Variants in RNGTT observed in about 807,000 individuals in gnomAD.
The protein encoded by RNGTT is RNA guanylyltransferase and 5'-phosphatase, also known as mRNA-capping enzyme.
Under a neutral mutation model 79.3 loss-of-function variants are expected in RNGTT, and 33 were observed. The observed-to-expected ratio is 0.42, with a 90% CI of 0.32 to 0.56. The LOEUF is 0.56. Ranked by LOEUF, RNGTT falls within the 20% of genes least tolerant of loss-of-function variation. The pLI, the probability that RNGTT is intolerant of heterozygous loss-of-function variation, is 0.17. For missense variants in RNGTT, 497 were observed against 739.1 expected (o/e 0.67, Z 3.80); for synonymous variants, 222 against 235.9 (o/e 0.94, Z 0.54).
At chr6:88,716,967 T>A (rs1369970283) in intron 13 of RNGTT, among the ~76,000 whole-genome samples, 1 of 152,092 alleles carries the variant, frequency 6.6e-6, no homozygotes, top group Non-Finnish European at 1.5e-5. Context: ...TAAAGTATAA[T>A]TAAAAAAAAT....
chr6:88,911,816 G>A (rs1422327377), intron 4 of RNGTT, among the ~76,000 whole-genome samples: 1 of 152,150 alleles, frequency 6.6e-6, no homozygotes, highest in African/African-American at 2.4e-5. Context: ...AATGGCTGGA[G>A]GCAGTGGCTC....
intron 2 of RNGTT, among the ~76,000 whole-genome samples, chr6:88,931,480 C>T (rs991237705): frequency 2.0e-5 from 3 of 152,050 alleles, no homozygotes; most frequent in Non-Finnish European, 2.9e-5. Context: ...TGATACCAAC[C>T]TTTTTTTGTG....
chr6:88,871,648 T>C (rs1334397836), intron 8 of RNGTT, among the ~76,000 whole-genome samples: 5 of 152,184 alleles, frequency 3.3e-5, no homozygotes, highest in African/African-American at 1.2e-4. Context: ...CAGGCAGCTG[T>C]GAGAACCCAC....
chr6:88,818,113 C>G (rs1780384265), intron 11 of RNGTT, among the ~76,000 whole-genome samples: 1 of 152,054 alleles, frequency 6.6e-6, no homozygotes, highest in African/African-American at 2.4e-5. Context: ...GAGTCAACAT[C>G]TAACAGTTTA....
intron 13 of RNGTT, among the ~76,000 whole-genome samples, chr6:88,734,720 G>A (rs1460016339): frequency 6.6e-6 from 1 of 152,070 alleles, no homozygotes; most frequent in Non-Finnish European, 1.5e-5. Context: ...CAACACTATG[G>A]TGACGTACAA....
At chr6:88,834,580 T>G (rs557006781) in intron 11 of RNGTT, among the ~76,000 whole-genome samples, 2 of 152,200 alleles carry the variant, frequency 1.3e-5, no homozygotes, top group African/African-American at 4.8e-5. Context: ...GTGTGAACAA[T>G]AGATCTTCAT....
chr6:88,749,950 C>T (rs574473734), intron 13 of RNGTT, among the ~76,000 whole-genome samples: 11 of 152,230 alleles, frequency 7.2e-5, no homozygotes, highest in Admixed American at 6.5e-4. Context: ...TCTTGACGTG[C>T]AGCTATAGCA....
chr6:88,939,371 T>C (rs933664242), intron 2 of RNGTT, among the ~76,000 whole-genome samples: 2 of 152,182 alleles, frequency 1.3e-5, no homozygotes, highest in Non-Finnish European at 2.9e-5. Context: ...GATTCTTTCT[T>C]CTGCCTGATC....
chr6:88,694,233 T>A (rs928419800), intron 13 of RNGTT, among the ~76,000 whole-genome samples: 24 of 152,086 alleles, frequency 1.6e-4, no homozygotes, highest in African/African-American at 5.8e-4. Context: ...CAAAAACCTA[T>A]TAGAACTAAT....
At chr6:88,658,114 C>T (rs58889523) in intron 14 of RNGTT, among the ~76,000 whole-genome samples, 3,243 of 152,206 alleles carry the variant, frequency 0.021, 99 homozygotes, top group African/African-American at 0.074. Context: ...CTCTTGAAAG[C>T]GCCACCTCCT....
intron 11 of RNGTT, among the ~76,000 whole-genome samples, chr6:88,827,044 G>A (rs1317042384): frequency 6.6e-6 from 1 of 151,836 alleles, no homozygotes; most frequent in East Asian, 1.9e-4. Context: ...TGCCAAAGTA[G>A]TGGCTCACAT....
intron 13 of RNGTT, among the ~76,000 whole-genome samples, chr6:88,750,263 G>C (rs1777797478): frequency 6.6e-6 from 1 of 152,096 alleles, no homozygotes; most frequent in Non-Finnish European, 1.5e-5. Context: ...AGATAGCAGC[G>C]TTCTAGTAAT....
chr6:88,699,750 A>G (rs1031643153), intron 13 of RNGTT, among the ~76,000 whole-genome samples: 1 of 152,252 alleles, frequency 6.6e-6, no homozygotes, highest in Non-Finnish European at 1.5e-5. Flanking sequence ...AAGGAATGAC[A>G]TTCTGACATG....
Position 88,955,501 on chromosome 6 carries a change from G to C in RNGTT, c.64+7845C>G, listed in dbSNP as rs1785396855. ...AGAGGCGGAGGTTGCAGTGAGCCAA[G>C]ATCGTACCACTGCACTCCAGCCCAG... On this transcript the variant is annotated intron_variant, in intron 1 of 15. Transcript: ENST00000369485. Among the ~76,000 whole-genome samples the C allele has an allele frequency of 2.1e-5, 3 of 143,442 alleles. No individual in the cohort carries two copies. The South Asian group carries it at 6.9e-4, about 33-fold the overall frequency. 94.1% of individuals were successfully genotyped at this position (143,442 alleles called of 152,430 possible). A position where few individuals can be genotyped will look rare whatever the true frequency, so the allele number is the denominator to read the frequency against.
intron 13 of RNGTT, chr6:88,714,149 C>T (rs1776418246): frequency 6.6e-6 from 1 of 152,090 alleles, no homozygotes; most frequent in Non-Finnish European, 1.5e-5. Flanking sequence ...TAATTAATAA[C>T]TGGGTAAAAT....
intron 13 of RNGTT, among the ~76,000 whole-genome samples, chr6:88,733,415 CA>C (rs912171262): frequency 4.5e-5 from 6 of 132,578 alleles, no homozygotes; most frequent in East Asian, 5.1e-4. Flanking sequence ...ATGCAAAGAG[CA>C]AAAAAAAGAA....
At chr6:88,751,868 T>A (rs1262058654) in intron 13 of RNGTT, among the ~76,000 whole-genome samples, 2 of 152,106 alleles carry the variant, frequency 1.3e-5, no homozygotes, top group Non-Finnish European at 2.9e-5. Flanking sequence ...AATCAACCAC[T>A]AGCTCCACCA....
intron 13 of RNGTT, among the ~76,000 whole-genome samples, chr6:88,713,672 T>C (rs1053219807): frequency 1.3e-5 from 2 of 152,194 alleles, no homozygotes; most frequent in South Asian, 2.1e-4. Context: ...TTTCTTTACA[T>C]TGTAAAAAAT....
chr6:88,836,865 A>G (rs1283827360), intron 11 of RNGTT, among the ~76,000 whole-genome samples: 3 of 152,202 alleles, frequency 2.0e-5, no homozygotes, highest in Non-Finnish European at 4.4e-5. Flanking sequence ...TCAGTTCTCA[A>G]CTTCTTGGCT....
Sources: gnomAD v4.1 joint callset for allele counts (sites outside exome capture counted in the v4.1 genomes callset) on GRCh38, gnomAD v4.1.1 for gene constraint, MANE v1.5 for transcripts, NCBI Gene and HGNC (gene_info 2026-07-23, HGNC 2026-07-21) for gene names.